The following KIF21A variants were observed in gnomAD, a reference collection of about 807,000 sequenced individuals.
KIF21A encodes the protein kinesin-like protein KIF21A.
A neutral mutation model predicts 202.9 loss-of-function variants in KIF21A; 114 were observed. The ratio of observed to expected loss-of-function variants is 0.56; its 90% CI spans 0.48 to 0.66. KIF21A has a LOEUF of 0.66. Ranked by LOEUF, KIF21A falls within the 30% of genes least tolerant of loss-of-function variation. The pLI is 0.00. For missense variants in KIF21A, 1,677 were observed against 1,994.9 expected (o/e 0.84, Z 3.04); for synonymous variants, 667 against 670.8 (o/e 0.99, Z 0.09).
intron 24 of KIF21A, among the ~76,000 whole-genome samples, chr12:39,326,945 C>T (rs909126102): frequency 6.6e-6 from 1 of 152,100 alleles, no homozygotes; most frequent in Non-Finnish European, 1.5e-5. Flanking sequence ...TACAAATAAA[C>T]CACTGCTATT....
chr12:39,360,232 AAGT>A (rs1949104380), intron 7 of KIF21A, among the ~76,000 whole-genome samples: 1 of 152,180 alleles, frequency 6.6e-6, no homozygotes, highest in African/African-American at 2.4e-5. Flanking sequence ...TTTATTTTAA[AAGT>A]TCACACAAAA....
chr12:39,440,019 GAC>G, intron 1 of KIF21A, among the ~76,000 whole-genome samples: 1 of 152,220 alleles, frequency 6.6e-6, no homozygotes, highest in East Asian at 1.9e-4. Flanking sequence ...TTTGTATATA[GAC>G]ACACGATTTT....
At chr12:39,441,660 T>TAAAAAAAAGAAAAAAAAAAAAAAAAAAAA (rs1939605640) in intron 1 of KIF21A, among the ~76,000 whole-genome samples, 1 of 37,788 alleles carries the variant, frequency 2.6e-5, no homozygotes, top group African/African-American at 1.0e-4. Context: ...CCCTGGGTGG[T>TAAAAAAAAGAAAAAAAAAAAAAAAAAAAA]AAAAAAAAAA....
chr12:39,308,311 C>T (rs1943673782), intron 33 of KIF21A, among the ~76,000 whole-genome samples: 1 of 151,746 alleles, frequency 6.6e-6, no homozygotes, highest in South Asian at 2.1e-4. Context: ...TCACTTGAAC[C>T]TGGGAGGTGC....
Position 39,330,257 on chromosome 12 carries a change from C to G in KIF21A, c.3325G>C (p.Asp1109His). 1 of 1,612,376 alleles carries G rather than the reference C, an allele frequency of 6.2e-7. No individual in the cohort carries two copies. The highest frequency in any genetic ancestry group is 2.2e-5 in the East Asian group (1 of 44,730). ...ALLGHALQDL[D>H]SVPLENVEDS... ...ACATACTTACCTAATGGTACGCTAT[C>G]TAGATCTGTGTAAATAACAGCAAAA... Residue 1109 changes from aspartate (D) to histidine (H), a missense_variant, in exon 24 of 38, where the codon GAT (aspartate) becomes CAT (histidine). Physicochemically the swap from Asp to His is moderately conservative, Grantham distance 81. Coordinates refer to ENST00000361418, the MANE Select transcript of KIF21A (RefSeq NM_001173464.2).
chr12:39,433,880 A>G (rs1373130921), intron 1 of KIF21A, among the ~76,000 whole-genome samples: 1 of 152,234 alleles, frequency 6.6e-6, no homozygotes, highest in African/African-American at 2.4e-5. Context: ...TATATCACTT[A>G]TAGTGGTGTA....
intron 1 of KIF21A, among the ~76,000 whole-genome samples, chr12:39,440,471 C>CAT (rs1179499197): frequency 1.3e-5 from 2 of 152,166 alleles, no homozygotes; most frequent in Non-Finnish European, 1.5e-5. Flanking sequence ...ATAAATAAGA[C>CAT]TTTACATGAG....
Position 39,361,610 on chromosome 12 carries a change from A to G in KIF21A, c.1019+1488T>C, listed in dbSNP as rs547369761. ...GATCTCCGCCTCCTGGGTTCACGCC[A>G]TTCTCCTGCCTCAGCCTCCCGAGTA... is the stretch of plus-strand genomic sequence containing the variant. On this transcript the variant is annotated intron_variant, in intron 7 of 37. Transcript: ENST00000361418. Among the ~76,000 whole-genome samples, 319 of 67,480 alleles carry G rather than the reference A, an allele frequency of 4.7e-3. 1 individual carries two copies. The highest frequency in any genetic ancestry group is 0.014 in the South Asian group (23 of 1,702). 44.3% of individuals were successfully genotyped at this position (67,480 alleles called of 152,430 possible).
chr12:39,324,042 G>A (rs568773625), intron 26 of KIF21A, among the ~76,000 whole-genome samples: 72 of 152,116 alleles, frequency 4.7e-4, no homozygotes, highest in African/African-American at 1.5e-3. Context: ...CCCGGAAGGC[G>A]GAGGTTGCAG....
In KIF21A at chr12:39,357,385, T is replaced by G; in HGVS notation, c.1268A>C (p.His423Pro). 5 of 1,614,154 alleles carry G rather than the reference T, an allele frequency of 3.1e-6. No individual in the cohort carries two copies. Among genetic ancestry groups the G allele is most frequent in the Non-Finnish European group, 4.2e-6 (5 of 1,179,972 alleles). The part of the protein sequence containing the change: ...EGVESINDMF[H>P]ENAMLQTENN... ...TTCAGTCTGTAGCATAGCATTCTCA[T>G]GAAACATGTCATTGATGCTTTCCAC... The change falls in exon 9 of 38, where the codon CAT becomes CCT. Residue 423 changes from histidine (H) to proline (P), a missense_variant. By Grantham distance (77) the His-to-Pro change is moderately conservative. This residue lies in a region of KIF21A where 966 missense variants were observed against 1,180.9 expected (regional missense o/e 0.82). Transcript: ENST00000361418.
chr12:39,329,227 A>G (rs1565791350), intron 24 of KIF21A, among the ~76,000 whole-genome samples: 1 of 152,220 alleles, frequency 6.6e-6, no homozygotes, highest in Admixed American at 6.5e-5. Flanking sequence ...CATGAGTCAT[A>G]GGATACATTA....
chr12:39,378,773 C>T (rs1255854252), intron 1 of KIF21A, among the ~76,000 whole-genome samples: 1 of 151,692 alleles, frequency 6.6e-6, no homozygotes, highest in African/African-American at 2.4e-5. Flanking sequence ...GGTAGGGGAA[C>T]GATAAGTAAA....
At chr12:39,425,764 G>A (rs1954692608) in intron 1 of KIF21A, among the ~76,000 whole-genome samples, 1 of 151,860 alleles carries the variant, frequency 6.6e-6, no homozygotes, top group South Asian at 2.1e-4. Context: ...AGAGGCTTAG[G>A]CAGATTAAAG....
intron 30 of KIF21A, 40 bp downstream of exon 30, chr12:39,315,892 A>G (rs780332442): frequency 5.1e-5 from 78 of 1,518,252 alleles, no homozygotes; most frequent in Middle Eastern, 3.4e-4. Flanking sequence ...TAGAACATCA[A>G]TGAAATTCCA....
intron 24 of KIF21A, among the ~76,000 whole-genome samples, chr12:39,327,779 CACAA>C (rs1946100173): frequency 1.3e-5 from 2 of 152,138 alleles, no homozygotes; most frequent in South Asian, 4.1e-4. Context: ...CAGCAGGACA[CACAA>C]ACAACTCACT....
chr12:39,328,553 G>A (rs992006628), intron 24 of KIF21A, among the ~76,000 whole-genome samples: 5 of 152,086 alleles, frequency 3.3e-5, no homozygotes, highest in African/African-American at 1.2e-4. Flanking sequence ...GTGACCGTGG[G>A]GATCCCAACA....
intron 27 of KIF21A, 128 bp from the exon 28 acceptor site, chr12:39,320,141 AAAAAT>A: frequency 6.4e-6 from 4 of 622,828 alleles, no homozygotes; most frequent in Non-Finnish European, 1.1e-5. Flanking sequence ...CTTGAGAACA[AAAAAT>A]AAAACTAACA....
intron 35 of KIF21A, among the ~76,000 whole-genome samples, chr12:39,303,632 G>C (rs1414681675): frequency 6.6e-6 from 1 of 152,046 alleles, no homozygotes; most frequent in African/African-American, 2.4e-5. Flanking sequence ...AAGGAAACCA[G>C]ATTTTTTTCA....
At chr12:39,406,619 C>T (rs749925875) in intron 1 of KIF21A, among the ~76,000 whole-genome samples, 1 of 152,286 alleles carries the variant, frequency 6.6e-6, no homozygotes, top group South Asian at 2.1e-4. Flanking sequence ...CCCTGTGTAT[C>T]ATCTAACTTG....
Sources: allele counts gnomAD v4.1 joint callset (sites outside exome capture counted in the v4.1 genomes callset), GRCh38; gene constraint gnomAD v4.1.1; regional missense constraint gnomAD v4.1.1; transcripts MANE v1.5; gene names NCBI Gene and HGNC (gene_info 2026-07-23, HGNC 2026-07-21).